Variants in POLD1 observed in about 807,000 individuals in gnomAD.
POLD1 encodes DNA polymerase delta 1, catalytic subunit, also known as DNA polymerase delta catalytic subunit.
Under a neutral mutation model 129.7 loss-of-function variants are expected in POLD1, and 79 were observed. That is an observed-to-expected ratio of 0.61 (90% confidence interval 0.51 to 0.73). POLD1 has a LOEUF of 0.73. Ranked by LOEUF, POLD1 falls within the 30% of genes least tolerant of loss-of-function variation. The pLI is 0.00. For synonymous variants in POLD1, 714 were observed against 683.3 expected, an observed-to-expected ratio of 1.04 and a Z score of -0.70; for missense variants, 1,338 against 1,595.8, an observed-to-expected ratio of 0.84 and a Z score of 2.75.
chr19:50,398,666 C>G (rs560753860), intron 1 of POLD1, among the ~76,000 whole-genome samples, 185 bp from the exon 2 acceptor site: 1 of 151,056 alleles, frequency 6.6e-6, no homozygotes, highest in East Asian at 2.0e-4. Flanking sequence ...GCTGCAGTAG[C>G]TAACAATTGA....
chr19:50,408,464 T>C (rs2038977648), intron 14 of POLD1, among the ~76,000 whole-genome samples: 1 of 152,140 alleles, frequency 6.6e-6, no homozygotes, highest in South Asian at 2.1e-4. Flanking sequence ...CTTGGCTTAC[T>C]CCACCTCCTA....
In POLD1 at chr19:50,409,550, C is replaced by G. The variant is rs1555791989; in HGVS notation, c.2038C>G (p.Pro680Ala). The change falls in exon 17 of 27, where the codon CCC becomes GCC. Residue 680 changes from proline (P) to alanine (A), a missense_variant. Pro to Ala is a conservative substitution (Grantham distance 27). Coordinates refer to ENST00000440232, the MANE Select transcript of POLD1 (RefSeq NM_002691.4). The surrounding 1 kb of genome is among the most constrained non-coding windows in gnomAD (Gnocchi z 5.8). ...GGCCGAGCTGGCCAAGGAGACAGACCCCCTCCGGCGCCAGGTCCTGGATGG... is the reference window on the plus strand; with the variant it reads ...GGCCGAGCTGGCCAAGGAGACAGACGCCCTCCGGCGCCAGGTCCTGGATGG... ...AKAELAKETD[P>A]LRRQVLDGRQ... 2.5e-6 allele frequency: 4 copies of G among 1,613,504 alleles called. No individual in the cohort carries two copies. The highest frequency in any genetic ancestry group is 3.4e-6 in the Non-Finnish European group (4 of 1,180,028).
intron 20 of POLD1, 33 bp from the exon 21 acceptor site, chr19:50,415,405 T>C: frequency 6.3e-7 from 1 of 1,594,146 alleles, no homozygotes; most frequent in Non-Finnish European, 8.6e-7. Flanking sequence ...CTCAGTGCCT[T>C]TTGGTGACGC....
chr19:50,388,104 A>T (rs971390631), intron 1 of POLD1, among the ~76,000 whole-genome samples: 3 of 152,248 alleles, frequency 2.0e-5, no homozygotes, highest in African/African-American at 7.2e-5. Context: ...CATTTATAGG[A>T]AATGCCCAGA....
chr19:50,410,565 G>C (rs538862758), intron 17 of POLD1, among the ~76,000 whole-genome samples: 2 of 152,288 alleles, frequency 1.3e-5, no homozygotes, highest in Admixed American at 1.3e-4. Context: ...TCATGGTTAT[G>C]ATTTAATACA....
chr19:50,394,528 G>A (rs1216406492), intron 1 of POLD1, among the ~76,000 whole-genome samples: 21 of 152,116 alleles, frequency 1.4e-4, no homozygotes, highest in South Asian at 2.1e-4. Context: ...GATGGTGGAC[G>A]CCTGTAATCC....
chr19:50,412,377 T>G (rs1257442413), intron 17 of POLD1, among the ~76,000 whole-genome samples: 1 of 151,888 alleles, frequency 6.6e-6, no homozygotes, highest in African/African-American at 2.4e-5. Context: ...GGTCTTGAAC[T>G]CCTGACCTCA....
In POLD1 at chr19:50,402,479, G is replaced by T; in HGVS notation, c.784G>T (p.Gly262Cys). ...GTTCATGGTGGACACGGACATCGTC[G>T]GCTGCAACTGGCTGGAGCTCCCAGC... ...IRFMVDTDIV[G>C]CNWLELPAGK... The change falls in exon 7 of 27, where the codon GGC (glycine) becomes TGC (cysteine). Residue 262 changes from glycine to cysteine, a missense_variant. Around this residue, in one of 3 missense-constraint regions of POLD1, gnomAD observed 720 missense variants for 1,002.6 expected, o/e 0.72. Coordinates refer to ENST00000440232, the MANE Select transcript of POLD1 (RefSeq NM_002691.4). The T allele has an allele frequency of 6.2e-7, 1 of 1,611,936 alleles. No individual in the cohort carries two copies. Among genetic ancestry groups the T allele is most frequent in the Non-Finnish European group, 8.5e-7 (1 of 1,179,208 alleles).
At chr19:50,401,353 ATTTGTGTATATGTG>A (rs2038598073) in intron 3 of POLD1, among the ~76,000 whole-genome samples, 1 of 93,556 alleles carries the variant, frequency 1.1e-5, no homozygotes, top group Non-Finnish European at 2.0e-5. Flanking sequence ...ATGTGTGTGT[ATTTGTGTATATGTG>A]TATATATATA....
At position 50,403,638 on chromosome 19, in the gene POLD1, A is replaced by C. The variant is rs764923262; in HGVS notation, c.1242+41A>C. ...GTGGGAGGCTTCTCTCAGATGCCCC[A>C]GGTGTGGCCTCCGGGCCCTGGGCCT... On this transcript the variant is annotated intron_variant, in intron 10 of 26. Transcript: ENST00000440232. The C allele has an allele frequency of 1.5e-6, 2 of 1,308,352 alleles. No individual in the cohort carries two copies. Among genetic ancestry groups the C allele is most frequent in the Non-Finnish European group, 2.2e-6 (2 of 901,276 alleles). 81.0% of individuals were successfully genotyped at this position (1,308,352 alleles called of 1,614,324 possible).
chr19:50,407,435 G>T lies in POLD1; in HGVS notation c.1775+20G>T, dbSNP rs1397264290. Reference sequence around the variant, plus strand: ...CAAAGGGTGAGGCCCCAGGCTGGGTGCAGTTTTTACCTGTAATCTCTGGGA... The same window carrying T: ...CAAAGGGTGAGGCCCCAGGCTGGGTTCAGTTTTTACCTGTAATCTCTGGGA... On this transcript the variant is annotated intron_variant, in intron 14 of 26. Transcript: ENST00000440232. 6.5e-7 allele frequency: 1 copy of T among 1,543,238 alleles called. No homozygotes were observed. The highest frequency in any genetic ancestry group is 8.8e-7 in the Non-Finnish European group (1 of 1,134,038).
intron 1 of POLD1, among the ~76,000 whole-genome samples, chr19:50,394,653 A>G (rs1002155718): frequency 2.0e-5 from 3 of 148,678 alleles, no homozygotes; most frequent in African/African-American, 7.4e-5. Context: ...GACTCCGTCT[A>G]AAAAAAAAAT....
intron 3 of POLD1, among the ~76,000 whole-genome samples, chr19:50,401,442 T>C (rs1341407068): frequency 6.9e-6 from 1 of 144,876 alleles, no homozygotes; most frequent in Admixed American, 7.1e-5. Flanking sequence ...GGTCTCGCTC[T>C]TTTGCCCAGG....
rs1057522553 is a variant in POLD1, at chr19:50,402,644, G to A, written c.873G>A (p.Leu291=). 6.3e-7 allele frequency: 1 copy of A among 1,583,140 alleles called. No homozygotes were observed. Among genetic ancestry groups the A allele is most frequent in the Non-Finnish European group, 8.6e-7 (1 of 1,163,408 alleles). The change falls in exon 8 of 27, where the codon CTG becomes CTA. Residue 291 remains leucine, a synonymous_variant. Transcript: ENST00000440232. ...AGTGCCAGCTGGAGGCGGACGTGCT[G>A]TGGTCTGACGTGGTCAGTCACCCAC... The part of the protein sequence containing the change: ...ATQCQLEADV[L]WSDVVSHPPE...
intron 1 of POLD1, among the ~76,000 whole-genome samples, chr19:50,387,386 C>T (rs563155585): frequency 2.1e-4 from 32 of 152,270 alleles, no homozygotes; most frequent in Middle Eastern, 3.4e-3. Flanking sequence ...TGGCCTGCAG[C>T]GAGCACGTGG....
chr19:50,412,020 G>T (rs1229249733), intron 17 of POLD1, among the ~76,000 whole-genome samples: 1 of 152,202 alleles, frequency 6.6e-6, no homozygotes, highest in Non-Finnish European at 1.5e-5. Flanking sequence ...GGTAGCTCAT[G>T]CCTGTAGTTG....
In POLD1 at chr19:50,416,105, A is replaced by G. The variant is rs3219435; in HGVS notation, c.2820+279A>G. The stretch of plus-strand genomic sequence containing the variant: ...CTTGGATTCATAATCCTCCAGCTCT[A>G]CCCCCACCCCCAGTGACCCACATCT... On this transcript the variant is annotated intron_variant, in intron 22 of 26. Coordinates refer to ENST00000440232, the MANE Select transcript of POLD1 (RefSeq NM_002691.4). The G allele has an allele frequency of 9.3e-3, 5,061 of 546,306 alleles. 35 individuals carry two copies. Among genetic ancestry groups the G allele is most frequent in the Non-Finnish European group, 0.012 (3,765 of 309,884 alleles). 33.8% of individuals were successfully genotyped at this position (546,306 alleles called of 1,614,324 possible). A position where few individuals can be genotyped will look rare whatever the true frequency, so the allele number is the denominator to read the frequency against.
chr19:50,403,717 C>T, intron 10 of POLD1, 120 bp downstream of exon 10: 1 of 727,656 alleles, frequency 1.4e-6, no homozygotes, highest in South Asian at 1.6e-5. Flanking sequence ...TGTGCCTCAG[C>T]CGATTGCCTG....
chr19:50,413,995 TC>T, intron 19 of POLD1, 116 bp downstream of exon 19: 1 of 1,122,678 alleles, frequency 8.9e-7, no homozygotes, highest in Non-Finnish European at 1.2e-6. Context: ...GCTTAGATTC[TC>T]CTGAGGCTGG....
Sources: gnomAD v4.1 joint callset for allele counts (sites outside exome capture counted in the v4.1 genomes callset) on GRCh38, gnomAD v4.1.1 for gene constraint, gnomAD v4.1.1 regional missense constraint, Gnocchi (gnomAD v3.1) non-coding constraint, MANE v1.5 for transcripts, NCBI Gene and HGNC (gene_info 2026-07-23, HGNC 2026-07-21) for gene names.